SAFB: variants seen among roughly 807,000 people sequenced by gnomAD.
SAFB encodes the protein scaffold attachment factor B1.
In SAFB, 15 loss-of-function variants were observed where a neutral mutation model predicts 101.6. The ratio of observed to expected loss-of-function variants is 0.15; its 90% confidence interval spans 0.10 to 0.23. The LOEUF is 0.23. SAFB is among the 10% of genes least tolerant of loss of function. SAFB has a pLI of 1.00. For missense variants in SAFB, 930 were observed against 1,104.1 expected (o/e 0.84, Z 2.23); for synonymous variants, 449 against 407.5 (o/e 1.10, Z -1.23).
chr19:5,638,701 A>C (rs993868880), intron 2 of SAFB, among the ~76,000 whole-genome samples: 1 of 140,908 alleles, frequency 7.1e-6, no homozygotes, highest in African/African-American at 2.7e-5. Context: ...TTTTTTTTAT[A>C]CTTAATCTTA....
chr19:5,648,845 T>C (rs2053878667), intron 6 of SAFB, 144 bp from the exon 7 acceptor site: 1 of 542,752 alleles, frequency 1.8e-6, no homozygotes, highest in Admixed American at 3.1e-5. Context: ...AGTATAACTT[T>C]GTGTACCCGC....
At chr19:5,635,125 C>T (rs1033335865) in intron 2 of SAFB, among the ~76,000 whole-genome samples, 3 of 151,952 alleles carry the variant, frequency 2.0e-5, no homozygotes, top group Admixed American at 1.3e-4. Flanking sequence ...GCAACAAGAG[C>T]GAAACTCCAT....
intron 2 of SAFB, among the ~76,000 whole-genome samples, chr19:5,638,197 C>G (rs116864233): frequency 0.017 from 2,558 of 152,236 alleles, 42 homozygotes; most frequent in East Asian, 0.027. Flanking sequence ...GGAGGTTGCA[C>G]AAGGGGAGTT....
chr19:5,665,256 A>G (rs1244843160), intron 17 of SAFB: 5 of 152,112 alleles, frequency 3.3e-5, no homozygotes, highest in East Asian at 1.9e-4. Context: ...CCTGGAGGCA[A>G]ATTATATGCA....
chr19:5,634,995 G>A (rs958452835), intron 2 of SAFB, among the ~76,000 whole-genome samples: 2 of 152,014 alleles, frequency 1.3e-5, no homozygotes, highest in Non-Finnish European at 2.9e-5. Flanking sequence ...AAAATTAACC[G>A]GGTGTGGTGG....
chr19:5,645,163 CT>C (rs1305114090), intron 4 of SAFB, among the ~76,000 whole-genome samples, 173 bp from the exon 5 acceptor site: 2 of 152,086 alleles, frequency 1.3e-5, no homozygotes, highest in Non-Finnish European at 2.9e-5. Flanking sequence ...TTACATACAA[CT>C]TTTTTTTCAG....
At chr19:5,634,327 T>G (rs1232763702) in intron 2 of SAFB, among the ~76,000 whole-genome samples, 1 of 151,964 alleles carries the variant, frequency 6.6e-6, no homozygotes, top group East Asian at 1.9e-4. Context: ...TAACTAAAAT[T>G]CTGGGCGGGG....
At chr19:5,660,848 C>T (rs968602169) in intron 14 of SAFB, among the ~76,000 whole-genome samples, 1 of 151,836 alleles carries the variant, frequency 6.6e-6, no homozygotes, top group South Asian at 2.1e-4. Flanking sequence ...GCCTGCTAGC[C>T]CCACCTCACA....
chr19:5,631,411 T>C (rs2053487740), intron 2 of SAFB, among the ~76,000 whole-genome samples: 1 of 152,216 alleles, frequency 6.6e-6, no homozygotes, highest in Non-Finnish European at 1.5e-5. Flanking sequence ...TCAGTTTTAT[T>C]CTAGAAATTT....
At chr19:5,641,516 TGTGTA>T in intron 2 of SAFB, 73 bp from the exon 3 acceptor site, 2 of 1,146,670 alleles carry the variant, frequency 1.7e-6, no homozygotes, top group Non-Finnish European at 2.6e-6. Flanking sequence ...AGTGACCACT[TGTGTA>T]GTGCTCAGGG....
chr19:5,638,185 T>A (rs1409396033), intron 2 of SAFB, among the ~76,000 whole-genome samples: 1 of 152,180 alleles, frequency 6.6e-6, no homozygotes, highest in Non-Finnish European at 1.5e-5. Context: ...TAAGAAAAAT[T>A]GGGAGGTTGC....
Position 5,661,720 on chromosome 19 carries a change from C to G in SAFB, c.2065C>G (p.Arg689Gly). ...ERRREQERIH[R>G]EREELRRQQE... Reference sequence around the variant, plus strand: ...CAGGCGCGAGCAGGAGCGCATCCACCGTGAGCGCGAGGAGCTGAGGCGCCA... The same window carrying G: ...CAGGCGCGAGCAGGAGCGCATCCACGGTGAGCGCGAGGAGCTGAGGCGCCA... The change falls in exon 15 of 21, where the codon CGT becomes GGT. Residue 689 changes from arginine (R) to glycine (G), a missense_variant. Coordinates refer to ENST00000588852, the MANE Select transcript of SAFB (RefSeq NM_001201338.2). The G allele has an allele frequency of 6.3e-7, 1 of 1,597,396 alleles. No homozygotes were observed. The highest frequency in any genetic ancestry group is 8.5e-7 in the Non-Finnish European group (1 of 1,174,188).
At chr19:5,644,457 A>G (rs1314241086) in intron 4 of SAFB, among the ~76,000 whole-genome samples, 1 of 152,218 alleles carries the variant, frequency 6.6e-6, no homozygotes, top group East Asian at 1.9e-4. Context: ...GCAGATGTCT[A>G]AGGGGAGATG....
intron 2 of SAFB, among the ~76,000 whole-genome samples, chr19:5,628,769 G>A (rs555698454): frequency 1.3e-5 from 2 of 152,192 alleles, no homozygotes; most frequent in Non-Finnish European, 2.9e-5. Context: ...GATACATTGC[G>A]TGTTTTTGCC....
At chr19:5,626,558 C>A in intron 2 of SAFB, 69 bp downstream of exon 2, 1 of 911,154 alleles carries the variant, frequency 1.1e-6, no homozygotes, top group Non-Finnish European at 1.8e-6. Flanking sequence ...TGCTAATGTG[C>A]CTCGTTTACT....
Position 5,667,027 on chromosome 19 carries a change from CT to C in SAFB, c.2335-18del. On this transcript the variant is annotated intron_variant, in intron 17 of 20. Transcript: ENST00000588852. This position sits in a 1 kb window ranked among gnomAD's most constrained non-coding sequence, Gnocchi z 4.0. ...TGACACTGAAGCTTTTTTTTCCCTTCTGGCTCTGTGATGTCCAGCATTACCC... is the reference window on the plus strand; with the variant it reads ...TGACACTGAAGCTTTTTTTTCCCTTCGGCTCTGTGATGTCCAGCATTACCC... 6.6e-7 allele frequency: 1 copy of C among 1,505,374 alleles called. No individual in the cohort carries two copies. The highest frequency in any genetic ancestry group is 1.1e-5 in the South Asian group (1 of 88,978). 93.3% of individuals were successfully genotyped at this position (1,505,374 alleles called of 1,614,324 possible).
At chr19:5,641,129 C>G (rs1346747645) in intron 2 of SAFB, among the ~76,000 whole-genome samples, 1 of 152,132 alleles carries the variant, frequency 6.6e-6, no homozygotes, top group African/African-American at 2.4e-5. Context: ...CTAGGCCTCC[C>G]AAAGTGCTGG....
Position 5,661,560 on chromosome 19 carries a change from G to A in SAFB, c.1905G>A (p.Ala635=), listed in dbSNP as rs747994846. 56 of 1,612,976 alleles carry A rather than the reference G, an allele frequency of 3.5e-5. No homozygotes were observed. The Admixed American group carries it at 7.3e-4, about 21-fold the overall frequency. Residue 635 remains alanine, a synonymous_variant, in exon 15 of 21, where the codon GCG becomes GCA. Coordinates refer to ENST00000588852, the MANE Select transcript of SAFB (RefSeq NM_001201338.2). ...ERSEREQRMQ[A]QWEREERERL... ...GTGAACGCGAACAACGCATGCAGGC[G>A]CAGTGGGAGCGCGAGGAGCGTGAGC...
chr19:5,653,511 G>T, intron 11 of SAFB, 91 bp downstream of exon 11: 4 of 1,122,874 alleles, frequency 3.6e-6, no homozygotes, highest in South Asian at 1.4e-5. Flanking sequence ...CTGTCGCCCA[G>T]ACTGGAGTGC....
Sources: gnomAD v4.1 joint callset for allele counts (sites outside exome capture counted in the v4.1 genomes callset) on GRCh38, gnomAD v4.1.1 for gene constraint, Gnocchi (gnomAD v3.1) non-coding constraint, MANE v1.5 for transcripts, NCBI Gene and HGNC (gene_info 2026-07-23, HGNC 2026-07-21) for gene names.